Variants in ROBO3 observed in about 807,000 individuals in gnomAD.
ROBO3 encodes roundabout homolog 3.
In ROBO3, 97 loss-of-function variants were observed where a neutral mutation model predicts 160.5. The ratio of observed to expected loss-of-function variants is 0.60; its 90% confidence interval spans 0.51 to 0.72. The LOEUF (loss-of-function observed/expected upper bound fraction) is 0.72. Ranked by LOEUF, ROBO3 falls within the 30% of genes least tolerant of loss-of-function variation. ROBO3 has a pLI of 0.00. For synonymous variants in ROBO3, 780 were observed against 746.2 expected (o/e 1.05, Z -0.74); for missense variants, 1,858 against 1,846.5 (o/e 1.01, Z -0.11).
intron 6 of ROBO3, 73 bp from the exon 7 acceptor site, chr11:124,870,937 TTCTC>T: frequency 6.4e-7 from 1 of 1,563,804 alleles, no homozygotes; most frequent in Non-Finnish European, 8.7e-7. Flanking sequence ...AAGCTGGAGC[TTCTC>T]TCTCCTGTTC....
chr11:124,869,708 G>C lies in ROBO3; in HGVS notation c.645+101G>C. ...GAGATCAGGGCATTAGCTAACCAGA[G>C]ACTAAGAGTCAGCTATACAGTGAGG... On this transcript the variant is annotated intron_variant, in intron 3 of 27. Transcript: ENST00000397801. This position sits in a 1 kb window ranked among gnomAD's most constrained non-coding sequence, Gnocchi z 4.2. 7.3e-7 allele frequency: 1 copy of C among 1,360,842 alleles called. No individual in the cohort carries two copies. Among genetic ancestry groups the C allele is most frequent in the African/African-American group, 1.5e-5 (1 of 68,716 alleles). The allele number at this position is 1,360,842 out of a possible 1,614,324, so 84.3% of individuals were successfully genotyped here.
rs867230969 is a variant in ROBO3 at position 124,878,026 on chromosome 11, G to C, written c.3076G>C (p.Gly1026Arg). The C allele has an allele frequency of 6.2e-7, 1 of 1,612,558 alleles. No homozygotes were observed. Among genetic ancestry groups the C allele is most frequent in the Non-Finnish European group, 8.5e-7 (1 of 1,179,316 alleles). Residue 1026 changes from glycine to arginine, a missense_variant, in exon 21 of 28, where the codon GGG (glycine) becomes CGG (arginine). By Grantham distance (125) the Gly-to-Arg change is moderately radical (BLOSUM62 -2). Coordinates refer to ENST00000397801, the MANE Select transcript of ROBO3 (RefSeq NM_022370.4). This position sits in a 1 kb window ranked among gnomAD's most constrained non-coding sequence, Gnocchi z 4.3. ...GPVYSTIDPA[G>R]EELQTFHGGF... is the part of the protein sequence containing the mutation. ...TGTCTATAGCACCATTGACCCAGCG[G>C]GGGAGGAGCTGCAGACCTTCCATGG...
At chr11:124,867,618 G>C (rs1213178727) in intron 1 of ROBO3, among the ~76,000 whole-genome samples, 1 of 152,174 alleles carries the variant, frequency 6.6e-6, no homozygotes, top group Non-Finnish European at 1.5e-5. Context: ...CGATCTTCTT[G>C]ACTCCAGGCA....
At chr11:124,877,447 T>TATCG in intron 19 of ROBO3, 72 bp from the exon 20 acceptor site, 1 of 1,597,226 alleles carries the variant, frequency 6.3e-7, no homozygotes, top group Non-Finnish European at 8.6e-7. Context: ...AACTCCCGAA[T>TATCG]ATCGCCACCT....
At position 124,876,867 on chromosome 11, in the gene ROBO3, A is replaced by G. The variant is rs955144592; in HGVS notation, c.2780-294A>G. The stretch of plus-strand genomic sequence containing the variant: ...ATGGAAAGGCGGGGCCCGCTGAAAG[A>G]AGGCGATCCGAGTTCTGCTACTTCC... On this transcript the variant is annotated intron_variant, in intron 17 of 27. Coordinates refer to ENST00000397801, the MANE Select transcript of ROBO3 (RefSeq NM_022370.4). The surrounding 1 kb of genome is among the most constrained non-coding windows in gnomAD (Gnocchi z 5.3). 7.0e-6 allele frequency: 4 copies of G among 570,804 alleles called. No individual in the cohort carries two copies. Among genetic ancestry groups the G allele is most frequent in the African/African-American group, 3.8e-5 (2 of 53,314 alleles). The allele number at this position is 570,804 out of a possible 1,614,324, so 35.4% of individuals were successfully genotyped here. A position where few individuals can be genotyped will look rare whatever the true frequency, so the allele number is the denominator to read the frequency against.
rs376382599 is a variant in ROBO3 at position 124,869,902 on chromosome 11, G to A, written c.646-46G>A. 8.4e-6 allele frequency: 13 copies of A among 1,554,708 alleles called. No homozygotes were observed. The highest frequency in any genetic ancestry group is 1.0e-5 in the Non-Finnish European group (12 of 1,148,320). The stretch of plus-strand genomic sequence containing the variant: ...ACATATATTCACCATATATATATAC[G>A]CTGTGATAGCTGAAATGGACCAAAG... On this transcript the variant is annotated intron_variant, in intron 3 of 27. Coordinates refer to ENST00000397801, the MANE Select transcript of ROBO3 (RefSeq NM_022370.4). The surrounding 1 kb of genome is among the most constrained non-coding windows in gnomAD (Gnocchi z 4.2).
At position 124,869,958 on chromosome 11, in the gene ROBO3, G is replaced by A; in HGVS notation, c.656G>A (p.Gly219Glu). Residue 219 changes from glycine (G) to glutamate (E), a missense_variant, in exon 4 of 28, where the codon GGG becomes GAG. By Grantham distance (98) the Gly-to-Glu change is moderately conservative (BLOSUM62 -2). Coordinates refer to ENST00000397801, the MANE Select transcript of ROBO3 (RefSeq NM_022370.4). The surrounding 1 kb of genome is among the most constrained non-coding windows in gnomAD (Gnocchi z 4.2). The part of the protein sequence containing the change: ...EEEGRITIRG[G>E]KLMMSHTLKS... ...ATTATTGCTCTGCAGATCCGTGGAG[G>A]GAAGCTGATGATGTCACATACACTC... 1 of 1,607,218 alleles carries A rather than the reference G, an allele frequency of 6.2e-7. No individual in the cohort carries two copies. Among genetic ancestry groups the A allele is most frequent in the Non-Finnish European group, 8.5e-7 (1 of 1,176,714 alleles).
In ROBO3 at chr11:124,878,583, G is replaced by A. The variant is rs1436756106; in HGVS notation, c.3321-1G>A. 1 of 1,609,850 alleles carries A rather than the reference G, an allele frequency of 6.2e-7. No homozygotes were observed. Among genetic ancestry groups the A allele is most frequent in the South Asian group, 1.1e-5 (1 of 90,424 alleles). On this transcript the variant is annotated splice_acceptor_variant, in intron 22 of 27. Transcript: ENST00000397801. LOFTEE classifies it high-confidence loss of function. The surrounding 1 kb of genome is among the most constrained non-coding windows in gnomAD (Gnocchi z 4.3). ...CTTCTCTCCTGCCTCTTTGATCCCA[G>A]CTCAGAGCCAGAGGAGTGGTGCCCG...
Position 124,869,429 on chromosome 11 carries a change from G to GGGGGGGGC in ROBO3, c.488-21_488-20insGGGGGGGC. 3.1e-6 allele frequency: 4 copies of GGGGGGGGC among 1,301,916 alleles called. No individual in the cohort carries two copies. The highest frequency in any genetic ancestry group is 1.3e-5 in the South Asian group (1 of 79,972). 80.6% of individuals were successfully genotyped at this position (1,301,916 alleles called of 1,614,324 possible). ...TGTCACTCTACACCCTGCTTATTTC[G>GGGGGGGGC]CCCCCCACCGCCCCGCCCAGTCCTC... On this transcript the variant is annotated intron_variant, in intron 2 of 27. Transcript: ENST00000397801. This position sits in a 1 kb window ranked among gnomAD's most constrained non-coding sequence, Gnocchi z 4.2.
In ROBO3 at chr11:124,877,175, A is replaced by G. The variant is rs1946402311; in HGVS notation, c.2794A>G (p.Thr932Ala). 2 of 1,613,806 alleles carry G rather than the reference A, an allele frequency of 1.2e-6. No individual in the cohort carries two copies. Among genetic ancestry groups the G allele is most frequent in the Non-Finnish European group, 1.7e-6 (2 of 1,179,838 alleles). Residue 932 changes from threonine (T) to alanine (A), a missense_variant, in exon 18 of 28, where the codon ACA becomes GCA. Coordinates refer to ENST00000397801, the MANE Select transcript of ROBO3 (RefSeq NM_022370.4). Reference sequence around the variant, plus strand: ...CTTTCTGGAAGCCTCTTTTGCCTACACACCGGCAGGTAAGCCATCTCTGCC... The same window carrying G: ...CTTTCTGGAAGCCTCTTTTGCCTACGCACCGGCAGGTAAGCCATCTCTGCC... ...LSHYTASFAY[T>A]PAVSFPHSEG...
At chr11:124,870,404 G>C (rs1299216873) in intron 5 of ROBO3, 101 bp downstream of exon 5, 6 of 1,501,784 alleles carry the variant, frequency 4.0e-6, no homozygotes, top group East Asian at 2.5e-5. Flanking sequence ...TGAGAACACA[G>C]AGAAGTCTGT....
Position 124,873,489 on chromosome 11 carries a change from T to C in ROBO3, c.1618+98T>C. 8.6e-7 allele frequency: 1 copy of C among 1,158,050 alleles called. No homozygotes were observed. Among genetic ancestry groups the C allele is most frequent in the Non-Finnish European group, 1.3e-6 (1 of 792,266 alleles). 71.7% of individuals were successfully genotyped at this position (1,158,050 alleles called of 1,614,324 possible). On this transcript the variant is annotated intron_variant, in intron 10 of 27. Coordinates refer to ENST00000397801, the MANE Select transcript of ROBO3 (RefSeq NM_022370.4). This position sits in a 1 kb window ranked among gnomAD's most constrained non-coding sequence, Gnocchi z 4.5. ...TCCTCAAACTCCGGGATTAACTTTA[T>C]GTCACAAATGCCATGGTTACGGTGG...
intron 27 of ROBO3, 135 bp downstream of exon 27, chr11:124,880,743 A>C: frequency 8.8e-6 from 11 of 1,243,978 alleles, no homozygotes; most frequent in Non-Finnish European, 1.2e-5. Context: ...GGTGAGGGGG[A>C]GGGAGGAATC....
chr11:124,874,408 C>T (rs1019198305), intron 12 of ROBO3, among the ~76,000 whole-genome samples, 172 bp downstream of exon 12: 1 of 151,962 alleles, frequency 6.6e-6, no homozygotes, highest in Non-Finnish European at 1.5e-5. Flanking sequence ...ACAGAAGAGA[C>T]AAGGGAGGAG....
chr11:124,873,170 C>T lies in ROBO3; in HGVS notation c.1536+81C>T, dbSNP rs2135329984. 1.4e-6 allele frequency: 2 copies of T among 1,462,080 alleles called. No individual in the cohort carries two copies. Among genetic ancestry groups the T allele is most frequent in the Non-Finnish European group, 1.9e-6 (2 of 1,058,238 alleles). The allele number at this position is 1,462,080 out of a possible 1,614,324, so 90.6% of individuals were successfully genotyped here. Reference sequence around the variant, plus strand: ...CTTACACAAGTAAGTACTCACTGGGCCTGTAGCCCCATCTTTACCCCTCTG... The same window carrying T: ...CTTACACAAGTAAGTACTCACTGGGTCTGTAGCCCCATCTTTACCCCTCTG... On this transcript the variant is annotated intron_variant, in intron 9 of 27. Transcript: ENST00000397801. The surrounding 1 kb of genome is among the most constrained non-coding windows in gnomAD (Gnocchi z 4.5).
At chr11:124,875,389 G>T in intron 14 of ROBO3, 53 bp downstream of exon 14, 1 of 1,382,466 alleles carries the variant, frequency 7.2e-7, no homozygotes, top group East Asian at 2.8e-5. Flanking sequence ...AGGGGTGGGG[G>T]TGGAGGTGGA....
chr11:124,875,859 CTGTAT>C, intron 15 of ROBO3, 90 bp from the exon 16 acceptor site: 1 of 1,468,860 alleles, frequency 6.8e-7, no homozygotes, highest in Non-Finnish European at 9.4e-7. Flanking sequence ...TGAATTACAT[CTGTAT>C]AAGGCTTCTC....
chr11:124,872,343 T>C lies in ROBO3; in HGVS notation c.1159-38T>C, dbSNP rs764777121. ...GGGGACCTCTCCCTGCCCAGCTGCC[T>C]GCTCATTCCCTACCCTGGTTCCTTG... On this transcript the variant is annotated intron_variant, in intron 7 of 27. Coordinates refer to ENST00000397801, the MANE Select transcript of ROBO3 (RefSeq NM_022370.4). This position sits in a 1 kb window ranked among gnomAD's most constrained non-coding sequence, Gnocchi z 4.3. The C allele has an allele frequency of 1.9e-5, 31 of 1,604,266 alleles. No homozygotes were observed. The highest frequency in any genetic ancestry group is 3.3e-5 in the Admixed American group (2 of 60,012).
In ROBO3 at chr11:124,881,337, C is replaced by T. The variant is rs554705362; in HGVS notation, c.*87C>T. 4.6e-6 allele frequency: 6 copies of T among 1,301,206 alleles called. No homozygotes were observed. Among genetic ancestry groups the T allele is most frequent in the South Asian group, 2.5e-5 (2 of 78,770 alleles). The allele number at this position is 1,301,206 out of a possible 1,614,324, so 80.6% of individuals were successfully genotyped here. ...TCCCCCCCAGCAGTGATGAGTGGGG[C>T]TAGCTGAAGCCCATTGGTTTCCACG... On this transcript the variant is annotated 3_prime_UTR_variant, in exon 28 of 28. Transcript: ENST00000397801.
Sources: gnomAD v4.1 joint callset for allele counts (sites outside exome capture counted in the v4.1 genomes callset) on GRCh38, gnomAD v4.1.1 for gene constraint, Gnocchi (gnomAD v3.1) non-coding constraint, MANE v1.5 for transcripts, NCBI Gene and HGNC (gene_info 2026-07-23, HGNC 2026-07-21) for gene names.